CTNND2: variants seen among roughly 807,000 people sequenced by gnomAD.
CTNND2 encodes catenin delta 2, also known as catenin delta-2.
CTNND2 carries 22 observed loss-of-function variants against 144.4 expected under a neutral mutation model. The observed-to-expected ratio is 0.15, with a 90% CI of 0.11 to 0.22. The LOEUF (loss-of-function observed/expected upper bound fraction) is 0.22, where lower values mean the gene tolerates loss of function less well. Among genes scored for constraint, CTNND2 ranks in the 10% least tolerant of loss-of-function variants. CTNND2 has a pLI of 1.00. For synonymous variants in CTNND2, 751 were observed against 695.6 expected, an observed-to-expected ratio of 1.08 and a Z score of -1.25; for missense variants, 1,353 against 1,618.8, an observed-to-expected ratio of 0.84 and a Z score of 2.82.
In CTNND2 at chr5:11,259,988, C is replaced by T. The variant is rs73743732; in HGVS notation, c.1629-23165G>A. 2.8e-3 allele frequency among the ~76,000 whole-genome samples: 419 copies of T among 152,298 alleles called. 1 individual carries two copies. Among genetic ancestry groups the T allele is most frequent in the African/African-American group, 8.6e-3 (356 of 41,568 alleles). ...TCCTAAAATGGAGATATTGCAACTA[C>T]TACTTAATTTTTCCAACTCATTTAT... On this transcript the variant is annotated intron_variant, in intron 9 of 21. Coordinates refer to ENST00000304623, the MANE Select transcript of CTNND2 (RefSeq NM_001332.4).
intron 9 of CTNND2, among the ~76,000 whole-genome samples, chr5:11,287,570 T>C (rs1747881257): frequency 6.6e-6 from 1 of 152,240 alleles, no homozygotes; most frequent in Admixed American, 6.5e-5. Context: ...AACACATATA[T>C]GAATGGCATC....
intron 3 of CTNND2, among the ~76,000 whole-genome samples, chr5:11,554,838 T>C (rs1198174399): frequency 2.0e-5 from 3 of 151,762 alleles, no homozygotes; most frequent in Non-Finnish European, 4.4e-5. Flanking sequence ...CTATGATGAA[T>C]ATCAAAATGT....
intron 9 of CTNND2, among the ~76,000 whole-genome samples, chr5:11,279,380 C>T (rs1032111978): frequency 1.3e-5 from 2 of 152,174 alleles, no homozygotes; most frequent in Non-Finnish European, 2.9e-5. Flanking sequence ...GTCATCTTTA[C>T]CTTGAAAATA....
Position 10,973,341 on chromosome 5 carries a change from A to G in CTNND2, c.*112T>C, listed in dbSNP as rs759466312. On this transcript the variant is annotated 3_prime_UTR_variant, in exon 22 of 22. Coordinates refer to ENST00000304623, the MANE Select transcript of CTNND2 (RefSeq NM_001332.4). The surrounding 1 kb of genome is among the most constrained non-coding windows in gnomAD (Gnocchi z 5.6). Reference sequence around the variant, plus strand: ...CCTTACTGGTTATCACAGCCTTCCTATGGAACAGGCTTTAACAAACTAAAT... The same window carrying G: ...CCTTACTGGTTATCACAGCCTTCCTGTGGAACAGGCTTTAACAAACTAAAT... The G allele has an allele frequency of 1.9e-5, 22 of 1,164,182 alleles. No individual in the cohort carries two copies. Among genetic ancestry groups the G allele is most frequent in the Non-Finnish European group, 2.6e-5 (22 of 858,014 alleles). 72.1% of individuals were successfully genotyped at this position (1,164,182 alleles called of 1,614,324 possible).
chr5:11,796,095 G>A (rs910743132), intron 1 of CTNND2, among the ~76,000 whole-genome samples: 1 of 152,144 alleles, frequency 6.6e-6, no homozygotes, highest in East Asian at 1.9e-4. Context: ...CATCTGTACA[G>A]ACACACCCAG....
intron 11 of CTNND2, among the ~76,000 whole-genome samples, chr5:11,194,917 TCA>T (rs1736701075): frequency 6.6e-6 from 1 of 152,196 alleles, no homozygotes; most frequent in South Asian, 2.1e-4. Flanking sequence ...AGCATGGAAG[TCA>T]CAGAAAAATT....
chr5:11,437,390 A>G (rs1314560693), intron 3 of CTNND2, among the ~76,000 whole-genome samples: 1 of 152,218 alleles, frequency 6.6e-6, no homozygotes, highest in Admixed American at 6.5e-5. Flanking sequence ...AGGGGAAAAG[A>G]TAACAGTGTT....
At chr5:11,865,967 G>A (rs1795751841) in intron 1 of CTNND2, among the ~76,000 whole-genome samples, 4 of 146,948 alleles carry the variant, frequency 2.7e-5, no homozygotes, top group African/African-American at 9.9e-5. Context: ...GTGACACCTT[G>A]ATTTTAGCCA....
chr5:10,973,381 A>T lies in CTNND2; in HGVS notation c.*72T>A. On this transcript the variant is annotated 3_prime_UTR_variant, in exon 22 of 22. Coordinates refer to ENST00000304623, the MANE Select transcript of CTNND2 (RefSeq NM_001332.4). This position sits in a 1 kb window ranked among gnomAD's most constrained non-coding sequence, Gnocchi z 5.6. Reference sequence around the variant, plus strand: ...ACAAACTAAATTTGCAGGAGAAAAAAACAAAACAGAAAGAAATGTCTTGTG... The same window carrying T: ...ACAAACTAAATTTGCAGGAGAAAAATACAAAACAGAAAGAAATGTCTTGTG... 1 of 1,437,888 alleles carries T rather than the reference A, an allele frequency of 7.0e-7. No individual in the cohort carries two copies. Among genetic ancestry groups the T allele is most frequent in the Non-Finnish European group, 9.2e-7 (1 of 1,090,360 alleles). 89.1% of individuals were successfully genotyped at this position (1,437,888 alleles called of 1,614,324 possible). A position where few individuals can be genotyped will look rare whatever the true frequency, so the allele number is the denominator to read the frequency against.
intron 9 of CTNND2, among the ~76,000 whole-genome samples, chr5:11,254,800 A>G (rs1035791659): frequency 6.6e-6 from 1 of 152,198 alleles, no homozygotes; most frequent in Non-Finnish European, 1.5e-5. Context: ...TCCCTTCCCA[A>G]CTAAGAATTA....
In CTNND2 at chr5:11,340,895, A is replaced by C. The variant is rs116694430; in HGVS notation, c.1628+5477T>G. Among the ~76,000 whole-genome samples the C allele has an allele frequency of 1.9e-3, 297 of 152,344 alleles. 1 individual carries two copies. Among genetic ancestry groups the C allele is most frequent in the African/African-American group, 6.9e-3 (289 of 41,592 alleles). ...TTGGGATGATTAAATTAGATAACGA[A>C]TATAAAATATTCAACACTGAGCATG... On this transcript the variant is annotated intron_variant, in intron 9 of 21. Coordinates refer to ENST00000304623, the MANE Select transcript of CTNND2 (RefSeq NM_001332.4).
At chr5:11,075,018 AATAGCAATGATTTTTACTACTTAAAAAAT>A (rs1748782624) in intron 16 of CTNND2, among the ~76,000 whole-genome samples, 1 of 150,872 alleles carries the variant, frequency 6.6e-6, no homozygotes, top group African/African-American at 2.4e-5. Context: ...TGGGGAAAGG[AATAGCAATGATTTTTACTACTTAAAAAAT>A]AATAAACTCC....
At chr5:11,693,883 A>G (rs987560409) in intron 2 of CTNND2, among the ~76,000 whole-genome samples, 2 of 152,208 alleles carry the variant, frequency 1.3e-5, no homozygotes, top group Admixed American at 6.5e-5. Flanking sequence ...CTTTGGTCAC[A>G]ATGTTTTCAT....
At chr5:11,549,539 C>T (rs530758105) in intron 3 of CTNND2, among the ~76,000 whole-genome samples, 1 of 152,108 alleles carries the variant, frequency 6.6e-6, no homozygotes, top group East Asian at 1.9e-4. Context: ...AATAATAATC[C>T]CCCAAATATC....
intron 3 of CTNND2, among the ~76,000 whole-genome samples, chr5:11,492,396 T>G (rs1769480866): frequency 6.6e-6 from 1 of 152,118 alleles, no homozygotes; most frequent in Admixed American, 6.6e-5. Context: ...TATTTGTAAG[T>G]ATGTGTAAAT....
intron 20 of CTNND2, among the ~76,000 whole-genome samples, chr5:10,986,161 CA>C (rs1737926898): frequency 6.6e-6 from 1 of 152,196 alleles, no homozygotes; most frequent in Admixed American, 6.5e-5. Flanking sequence ...TGAAGAATTA[CA>C]TACACTGAAA....
intron 3 of CTNND2, among the ~76,000 whole-genome samples, chr5:11,447,270 A>G (rs1764901563): frequency 1.3e-5 from 2 of 151,256 alleles, no homozygotes; most frequent in Non-Finnish European, 2.9e-5. Flanking sequence ...TGAACCCGGG[A>G]GGCGGAGGTT....
intron 12 of CTNND2, among the ~76,000 whole-genome samples, chr5:11,136,679 A>G (rs904817960): frequency 6.6e-6 from 1 of 152,218 alleles, no homozygotes; most frequent in African/African-American, 2.4e-5. Context: ...CTCTAAGGCC[A>G]CCATGTATCT....
chr5:11,233,166 G>C (rs1165582354), intron 10 of CTNND2, among the ~76,000 whole-genome samples: 2 of 152,140 alleles, frequency 1.3e-5, no homozygotes, highest in Non-Finnish European at 2.9e-5. Context: ...TAATACAGAG[G>C]GGAACTGAGG....
Sources: allele counts gnomAD v4.1 joint callset (sites outside exome capture counted in the v4.1 genomes callset), GRCh38; gene constraint gnomAD v4.1.1; non-coding constraint Gnocchi (gnomAD v3.1); transcripts MANE v1.5; gene names NCBI Gene and HGNC (gene_info 2026-07-23, HGNC 2026-07-21).